FGF13: variants seen among roughly 807,000 people sequenced by gnomAD.
FGF13 encodes fibroblast growth factor 13.
A neutral mutation model predicts 19.5 loss-of-function variants in FGF13; 2 were observed. The observed-to-expected ratio is 0.10, with a 90% confidence interval of 0.04 to 0.32. The LOEUF (loss-of-function observed/expected upper bound fraction) is 0.32. FGF13 is among the 10% of genes least tolerant of loss of function. The pLI, the probability that FGF13 is intolerant of heterozygous loss-of-function variation, is 1.00. For synonymous variants in FGF13, 72 were observed against 76.9 expected (o/e 0.94, Z 0.33); for missense variants, 113 against 192.7 (o/e 0.59, Z 2.45).
At chrX:138,984,523 G>GAAGAA (rs2091979498) in intron 1 of FGF13, among the ~76,000 whole-genome samples, 7 of 31,583 alleles carry the variant, frequency 2.2e-4, no homozygotes, top group East Asian at 1.4e-3. Context: ...AAGAAGAAGA[G>GAAGAA]GAAGAAGAAG....
chrX:138,831,194 A>G (rs745972947), intron 3 of FGF13, among the ~76,000 whole-genome samples: 6 of 111,776 alleles, frequency 5.4e-5, no homozygotes, highest in Non-Finnish European at 7.5e-5. Context: ...TCCTCCACTT[A>G]TATTTCAAAG....
At chrX:138,788,200 A>C (rs2090709024) in intron 3 of FGF13, among the ~76,000 whole-genome samples, 1 of 112,333 alleles carries the variant, frequency 8.9e-6, no homozygotes, top group African/African-American at 3.2e-5. Context: ...CATATGATAG[A>C]CATTCCCTTC....
At chrX:138,984,693 G>GAGGAGA (rs370453471) in intron 1 of FGF13, among the ~76,000 whole-genome samples, 1 of 71,790 alleles carries the variant, frequency 1.4e-5, no homozygotes, top group Non-Finnish European at 2.6e-5. Context: ...GAAGAAGGAG[G>GAGGAGA]AGAAGAAGAA....
intron 3 of FGF13, among the ~76,000 whole-genome samples, chrX:138,775,857 T>C (rs182729697): frequency 8.9e-6 from 1 of 112,786 alleles, no homozygotes; most frequent in East Asian, 2.8e-4. Context: ...TTTGGCTTTC[T>C]CAGGGACTTT....
chrX:139,010,503 C>T (rs2092123716), intron 1 of FGF13, among the ~76,000 whole-genome samples: 1 of 111,717 alleles, frequency 9.0e-6, no homozygotes, highest in Non-Finnish European at 1.9e-5. Context: ...AAAAGGAACC[C>T]TCAAAACCAT....
chrX:138,890,781 A>T (rs1296787923), intron 1 of FGF13, among the ~76,000 whole-genome samples: 1 of 111,573 alleles, frequency 9.0e-6, no homozygotes, highest in Non-Finnish European at 1.9e-5. Flanking sequence ...TTAACCAATC[A>T]ATTGGGCTTT....
At position 139,051,321 on chromosome X, in the gene FGF13, A is replaced by G. The variant is rs150459896; in HGVS notation, c.-113+152095T>C. 3.1e-3 allele frequency among the ~76,000 whole-genome samples: 352 copies of G among 112,044 alleles called. 1 individual carries two copies. The Middle Eastern group carries it at 0.032, about 10-fold the overall frequency. On this transcript the variant is annotated intron_variant, in intron 1 of 2. Transcript: ENST00000421460. ...CACCTACTTTGGTTATCCAGATATC[A>G]CAGAACCTTAAAACCTGAAGAACCT...
At chrX:139,133,818 GTT>G (rs1423484758) in intron 1 of FGF13, among the ~76,000 whole-genome samples, 1 of 111,674 alleles carries the variant, frequency 9.0e-6, no homozygotes, top group African/African-American at 3.3e-5. Context: ...GACCACTAGA[GTT>G]TGTTCTCACC....
At chrX:138,864,870 T>C (rs139237510) in intron 1 of FGF13, among the ~76,000 whole-genome samples, 1 of 111,400 alleles carries the variant, frequency 9.0e-6, no homozygotes, top group African/African-American at 3.3e-5. Context: ...ATCAGGAGAG[T>C]TGACATCAGC....
At chrX:139,120,711 G>A (rs1307026093) in intron 1 of FGF13, among the ~76,000 whole-genome samples, 3 of 112,570 alleles carry the variant, frequency 2.7e-5, no homozygotes, top group African/African-American at 6.5e-5. Flanking sequence ...GGTCTATATG[G>A]GAACTGACCT....
At chrX:138,788,241 G>A (rs1325023088) in intron 3 of FGF13, among the ~76,000 whole-genome samples, 1 of 112,291 alleles carries the variant, frequency 8.9e-6, no homozygotes, top group Non-Finnish European at 1.9e-5. Context: ...GAAAGAAGGG[G>A]TGACCAGTTG....
chrX:138,983,414 T>TTTTATATATATA (rs2091972215), intron 1 of FGF13, among the ~76,000 whole-genome samples: 1 of 81,196 alleles, frequency 1.2e-5, no homozygotes, highest in Non-Finnish European at 2.4e-5. Flanking sequence ...TAAGTTGATC[T>TTTTATATATATA]TATATATATA....
intron 3 of FGF13, among the ~76,000 whole-genome samples, chrX:138,650,143 A>G (rs937067005): frequency 8.9e-6 from 1 of 112,018 alleles, no homozygotes; most frequent in East Asian, 2.8e-4. Flanking sequence ...CAAGAAGACA[A>G]CAGACCAAAA....
At chrX:138,813,338 C>A (rs201033039) in intron 3 of FGF13, among the ~76,000 whole-genome samples, 1 of 111,357 alleles carries the variant, frequency 9.0e-6, no homozygotes, top group Non-Finnish European at 1.9e-5. Flanking sequence ...ATTACTGCAC[C>A]AACAGCTTCC....
chrX:138,673,503 A>T (rs2089634859), intron 3 of FGF13, among the ~76,000 whole-genome samples: 1 of 111,488 alleles, frequency 9.0e-6, no homozygotes, highest in African/African-American at 3.3e-5. Flanking sequence ...CAACGGTGGG[A>T]ATTGCCATGT....
chrX:138,937,596 C>T (rs1438635210), intron 1 of FGF13, among the ~76,000 whole-genome samples: 3 of 112,304 alleles, frequency 2.7e-5, no homozygotes, highest in Non-Finnish European at 5.6e-5. Context: ...TGAATGTATA[C>T]ACATTTTTCT....
intron 1 of FGF13, among the ~76,000 whole-genome samples, chrX:139,035,232 C>T (rs983004478): frequency 1.1e-4 from 12 of 111,392 alleles, no homozygotes; most frequent in African/African-American, 1.3e-4. Context: ...CTCAGAAAGG[C>T]ACATCCGGTA....
At chrX:138,875,994 G>C (rs866331860) in intron 1 of FGF13, among the ~76,000 whole-genome samples, 2 of 94,012 alleles carry the variant, frequency 2.1e-5, no homozygotes, top group Admixed American at 1.2e-4. Flanking sequence ...CTATCGGCTT[G>C]TACACACACA....
chrX:139,125,271 A>C (rs755619731), intron 1 of FGF13, among the ~76,000 whole-genome samples: 3 of 111,518 alleles, frequency 2.7e-5, no homozygotes, highest in Non-Finnish European at 5.6e-5. Context: ...TTTTTCATAA[A>C]TGTCTTCAAT....
Sources: allele counts gnomAD v4.1 joint callset (sites outside exome capture counted in the v4.1 genomes callset), GRCh38; gene constraint gnomAD v4.1.1; transcripts MANE v1.5; gene names NCBI Gene and HGNC (gene_info 2026-07-23, HGNC 2026-07-21).